Variants in PLCH1 observed in about 807,000 individuals in gnomAD.
PLCH1 encodes the protein 1-phosphatidylinositol 4,5-bisphosphate phosphodiesterase eta-1.
PLCH1 carries 60 observed loss-of-function variants against 126.7 expected under a neutral mutation model. The observed-to-expected ratio is 0.47, with a 90% CI of 0.38 to 0.59. The LOEUF is 0.59. PLCH1 is among the 20% of genes least tolerant of loss of function. PLCH1 has a pLI of 0.00. For synonymous variants in PLCH1, 719 were observed against 734.9 expected, an observed-to-expected ratio of 0.98 and a Z score of 0.35; for missense variants, 1,723 against 2,040.0, an observed-to-expected ratio of 0.84 and a Z score of 2.99.
intron 10 of PLCH1, among the ~76,000 whole-genome samples, chr3:155,526,794 T>A (rs1337821264): frequency 1.3e-5 from 2 of 152,210 alleles, no homozygotes; most frequent in Non-Finnish European, 2.9e-5. Context: ...GAATATTCAA[T>A]GTTTGTTTTA....
At chr3:155,550,670 T>C (rs1576989890) in intron 9 of PLCH1, among the ~76,000 whole-genome samples, 1 of 152,194 alleles carries the variant, frequency 6.6e-6, no homozygotes, top group African/African-American at 2.4e-5. Flanking sequence ...ATTTTACTCC[T>C]CTCTCAACCT....
At chr3:155,522,542 A>G (rs60670071) in intron 11 of PLCH1, among the ~76,000 whole-genome samples, 12,290 of 152,264 alleles carry the variant, frequency 0.081, 1,106 homozygotes, top group African/African-American at 0.23. Context: ...CTACTGAGAC[A>G]TCAGCTCTCA....
intron 2 of PLCH1, among the ~76,000 whole-genome samples, chr3:155,642,815 TG>T (rs1412938633): frequency 6.6e-6 from 1 of 152,246 alleles, no homozygotes; most frequent in Non-Finnish European, 1.5e-5. Flanking sequence ...TCCATGTCTT[TG>T]GGTAGTGTCC....
At chr3:155,474,197 C>A (rs1186052932) in intron 21 of PLCH1, among the ~76,000 whole-genome samples, 27 of 149,584 alleles carry the variant, frequency 1.8e-4, no homozygotes, top group South Asian at 1.1e-3. Flanking sequence ...GGCTAATATC[C>A]AGAATCTACA....
At chr3:155,600,780 G>C (rs1733618411) in intron 2 of PLCH1, among the ~76,000 whole-genome samples, 1 of 152,062 alleles carries the variant, frequency 6.6e-6, no homozygotes, top group African/African-American at 2.4e-5. Flanking sequence ...TCTTTCATTT[G>C]TATTATAACA....
intron 21 of PLCH1, among the ~76,000 whole-genome samples, chr3:155,471,403 AC>A (rs1477424482): frequency 6.6e-6 from 1 of 151,460 alleles, no homozygotes; most frequent in Non-Finnish European, 1.5e-5. Context: ...TGCGCCCAAT[AC>A]AGGAGCACCC....
At chr3:155,539,364 T>C (rs1205768914) in intron 10 of PLCH1, among the ~76,000 whole-genome samples, 1 of 152,120 alleles carries the variant, frequency 6.6e-6, no homozygotes, top group African/African-American at 2.4e-5. Flanking sequence ...ATGCCCACTT[T>C]CACCACTTCT....
chr3:155,577,960 T>C (rs374128066), intron 6 of PLCH1, among the ~76,000 whole-genome samples: 1 of 152,214 alleles, frequency 6.6e-6, no homozygotes, highest in Non-Finnish European at 1.5e-5. Context: ...CACTGTGAGA[T>C]AGGAAAGGCA....
intron 15 of PLCH1, among the ~76,000 whole-genome samples, 184 bp downstream of exon 15, chr3:155,497,136 C>T (rs1404933038): frequency 6.6e-6 from 1 of 152,188 alleles, no homozygotes; most frequent in Non-Finnish European, 1.5e-5. Flanking sequence ...CCACAGTAAT[C>T]AGTAGAACCC....
intron 10 of PLCH1, among the ~76,000 whole-genome samples, chr3:155,536,712 C>T (rs544102791): frequency 9.9e-5 from 15 of 151,822 alleles, no homozygotes; most frequent in Non-Finnish European, 2.1e-4. Context: ...TTGGTGTTCC[C>T]CAGGAAGAAG....
chr3:155,670,484 TA>T, intron 2 of PLCH1, among the ~76,000 whole-genome samples: 1 of 152,180 alleles, frequency 6.6e-6, no homozygotes, highest in African/African-American at 2.4e-5. Context: ...AACAGATCGA[TA>T]GAAATAATCA....
chr3:155,728,734 G>T (rs1748529620), intron 1 of PLCH1, among the ~76,000 whole-genome samples: 3 of 152,102 alleles, frequency 2.0e-5, no homozygotes, highest in Admixed American at 1.3e-4. Flanking sequence ...CTCATATCAG[G>T]ATGGGCATAC....
At chr3:155,470,646 G>T (rs1713170388) in intron 21 of PLCH1, among the ~76,000 whole-genome samples, 1 of 152,066 alleles carries the variant, frequency 6.6e-6, no homozygotes, top group African/African-American at 2.4e-5. Context: ...AAGTTCAAAT[G>T]AAGGAAAAAA....
intron 2 of PLCH1, among the ~76,000 whole-genome samples, chr3:155,622,908 C>G (rs968436131): frequency 1.3e-5 from 2 of 152,154 alleles, no homozygotes; most frequent in African/African-American, 2.4e-5. Flanking sequence ...CTGGAACCAG[C>G]AGACCTAATA....
chr3:155,628,598 G>T (rs1197504917), intron 2 of PLCH1, among the ~76,000 whole-genome samples: 1 of 150,500 alleles, frequency 6.6e-6, no homozygotes, highest in East Asian at 1.9e-4. Flanking sequence ...CATTCTTAAG[G>T]CTCCTGTGTC....
intron 2 of PLCH1, among the ~76,000 whole-genome samples, chr3:155,668,708 C>A (rs1743066330): frequency 6.6e-6 from 1 of 152,074 alleles, no homozygotes; most frequent in African/African-American, 2.4e-5. Flanking sequence ...GCCTGGCCAA[C>A]ATGGTGAAAC....
chr3:155,712,994 TAA>T (rs10684622), intron 1 of PLCH1, among the ~76,000 whole-genome samples: 2 of 143,014 alleles, frequency 1.4e-5, no homozygotes. Context: ...ATCTTGTCTT[TAA>T]AAAAAAAAAA....
chr3:155,705,899 C>T (rs940853932), intron 1 of PLCH1, among the ~76,000 whole-genome samples: 6 of 152,070 alleles, frequency 3.9e-5, no homozygotes, highest in African/African-American at 9.7e-5. Context: ...ATCTGGGCTG[C>T]GCGCAGTGGC....
At chr3:155,633,467 T>G (rs1219213752) in intron 2 of PLCH1, among the ~76,000 whole-genome samples, 1 of 150,916 alleles carries the variant, frequency 6.6e-6, no homozygotes, top group Non-Finnish European at 1.5e-5. Context: ...CACACCTACT[T>G]GCATTATTAT....
Sources: allele counts gnomAD v4.1 joint callset (sites outside exome capture counted in the v4.1 genomes callset), GRCh38; gene constraint gnomAD v4.1.1; transcripts MANE v1.5; gene names NCBI Gene and HGNC (gene_info 2026-07-23, HGNC 2026-07-21).